The following CENPQ variants were observed in gnomAD, a reference collection of about 807,000 sequenced individuals.
The protein encoded by CENPQ is centromere protein Q, also known as chromosome 6 open reading frame 139.
A neutral mutation model predicts 36.6 loss-of-function variants in CENPQ; 27 were observed. That is an observed-to-expected ratio of 0.74 (90% CI 0.54 to 1.02). CENPQ has a LOEUF of 1.02. Among genes scored for constraint, CENPQ ranks in the 50% least tolerant of loss-of-function variants. The pLI is 0.00. For missense variants in CENPQ, 306 were observed against 301.8 expected (o/e 1.01, Z -0.10); for synonymous variants, 101 against 101.7 (o/e 0.99, Z 0.04).
intron 5 of CENPQ, among the ~76,000 whole-genome samples, chr6:49,476,935 G>C (rs1011886981): frequency 2.6e-5 from 4 of 152,212 alleles, no homozygotes; most frequent in Non-Finnish European, 1.5e-5. Flanking sequence ...TGCTGGAGAG[G>C]ACATGCAGAA....
intron 8 of CENPQ, among the ~76,000 whole-genome samples, chr6:49,490,269 G>T (rs1340471930): frequency 6.6e-6 from 1 of 152,216 alleles, no homozygotes; most frequent in African/African-American, 2.4e-5. Flanking sequence ...AGCACTTGCT[G>T]CTTCACCTTG....
chr6:49,486,734 T>C (rs909672069), intron 6 of CENPQ, among the ~76,000 whole-genome samples: 2 of 152,190 alleles, frequency 1.3e-5, no homozygotes, highest in African/African-American at 4.8e-5. Context: ...TGTACTCTTA[T>C]GTATCTTTAA....
intron 5 of CENPQ, among the ~76,000 whole-genome samples, chr6:49,479,731 A>AT (rs201317121): frequency 0.01 from 1,548 of 152,318 alleles, 20 homozygotes; most frequent in African/African-American, 0.035. Flanking sequence ...CTAAAGGCCT[A>AT]TCAGTGGTAG....
chr6:49,468,031 C>T (rs918223263), intron 1 of CENPQ, among the ~76,000 whole-genome samples: 10 of 152,088 alleles, frequency 6.6e-5, no homozygotes, highest in South Asian at 4.2e-4. Context: ...CTAAAAATGG[C>T]ATGGTAAAGA....
intron 6 of CENPQ, among the ~76,000 whole-genome samples, chr6:49,481,467 G>A (rs564141697): frequency 1.5e-4 from 23 of 152,178 alleles, no homozygotes; most frequent in African/African-American, 4.6e-4. Flanking sequence ...AGACCTTCGC[G>A]GTGAGTGTTA....
At chr6:49,485,396 C>A (rs940553726) in intron 6 of CENPQ, among the ~76,000 whole-genome samples, 1 of 152,084 alleles carries the variant, frequency 6.6e-6, no homozygotes, top group Non-Finnish European at 1.5e-5. Flanking sequence ...TTTAGACTCC[C>A]TTGATCTTGT....
At chr6:49,468,460 G>T (rs752680579) in intron 1 of CENPQ, among the ~76,000 whole-genome samples, 9 of 151,996 alleles carry the variant, frequency 5.9e-5, no homozygotes, top group Non-Finnish European at 1.2e-4. Flanking sequence ...TGGGCGTGGT[G>T]GGGGGTGCCT....
chr6:49,491,874 C>T (rs1274734800), intron 8 of CENPQ, among the ~76,000 whole-genome samples: 1 of 152,116 alleles, frequency 6.6e-6, no homozygotes, highest in Non-Finnish European at 1.5e-5. Flanking sequence ...AGGACTGCGC[C>T]ATTGTACTCC....
chr6:49,471,639 T>C (rs1768136886), intron 3 of CENPQ, among the ~76,000 whole-genome samples: 1 of 152,186 alleles, frequency 6.6e-6, no homozygotes, highest in African/African-American at 2.4e-5. Flanking sequence ...TAATACCTAA[T>C]AAGTAGAACA....
chr6:49,490,479 T>C (rs987275865), intron 8 of CENPQ, among the ~76,000 whole-genome samples: 18 of 152,230 alleles, frequency 1.2e-4, no homozygotes, highest in African/African-American at 4.1e-4. Context: ...CCACTCAGAC[T>C]TCCCATATCA....
chr6:49,482,082 T>G (rs1246998525), intron 6 of CENPQ, among the ~76,000 whole-genome samples: 1 of 152,100 alleles, frequency 6.6e-6, no homozygotes, highest in Non-Finnish European at 1.5e-5. Flanking sequence ...AGCCCTTCAT[T>G]GCCTGGGGCT....
chr6:49,472,256 A>C, intron 4 of CENPQ, 73 bp downstream of exon 4: 1 of 1,198,622 alleles, frequency 8.3e-7, no homozygotes, highest in East Asian at 2.6e-5. Flanking sequence ...TATTCTTTTA[A>C]ATATTGCTAT....
intron 8 of CENPQ, 63 bp from the exon 9 acceptor site, chr6:49,492,081 A>G (rs1308969013): frequency 1.5e-6 from 2 of 1,308,392 alleles, no homozygotes; most frequent in Non-Finnish European, 2.1e-6. Flanking sequence ...TCTCTCTAAC[A>G]TACATTTGAG....
intron 8 of CENPQ, among the ~76,000 whole-genome samples, chr6:49,491,459 C>G (rs1768720930): frequency 6.6e-6 from 1 of 152,008 alleles, no homozygotes; most frequent in Admixed American, 6.6e-5. Context: ...TAAATACTGA[C>G]AGTTTGGTTT....
In CENPQ at chr6:49,488,417, C is replaced by G. The variant is rs1768639807; in HGVS notation, c.543C>G (p.Asn181Lys). 1 of 1,612,202 alleles carries G rather than the reference C, an allele frequency of 6.2e-7. No individual in the cohort carries two copies. The highest frequency in any genetic ancestry group is 1.1e-5 in the South Asian group (1 of 91,014). Reference sequence around the variant, plus strand: ...CTGGGAATATTCAGAGCCTAAAGAACAAAATTCAGATTCTGGCAAGTGAGG... The same window carrying G: ...CTGGGAATATTCAGAGCCTAAAGAAGAAAATTCAGATTCTGGCAAGTGAGG... ...LMTGNIQSLK[N>K]KIQILASEVE... The change falls in exon 7 of 9, where the codon AAC (asparagine) becomes AAG (lysine). Residue 181 changes from asparagine (N) to lysine (K), a missense_variant. By Grantham distance (94) the Asn-to-Lys change is moderately conservative. Transcript: ENST00000335783.
intron 3 of CENPQ, among the ~76,000 whole-genome samples, chr6:49,471,699 T>C (rs781655657): frequency 1.3e-5 from 2 of 152,196 alleles, no homozygotes; most frequent in Admixed American, 6.5e-5. Context: ...ATTAGTCTGT[T>C]TTGTTCCAGT....
Position 49,477,565 on chromosome 6 carries a change from A to AT in CENPQ, c.348-3385dup, listed in dbSNP as rs569292605. The stretch of plus-strand genomic sequence containing the variant: ...CATGTACCCTAGAACTTAAAGTATA[A>AT]TAAAAAAAAAAAAAAGAAAATGTTC... On this transcript the variant is annotated intron_variant, in intron 5 of 8. Coordinates refer to ENST00000335783, the MANE Select transcript of CENPQ (RefSeq NM_018132.4). Among the ~76,000 whole-genome samples the AT allele has an allele frequency of 8.0e-3, 1,206 of 150,832 alleles. 22 individuals carry two copies. The highest frequency in any genetic ancestry group is 0.028 in the African/African-American group (1,134 of 40,712).
chr6:49,492,141 C>G lies in CENPQ; in HGVS notation c.676-3C>G, dbSNP rs1356401171. 2 of 1,593,192 alleles carry G rather than the reference C, an allele frequency of 1.3e-6. No homozygotes were observed. Among genetic ancestry groups the G allele is most frequent in the Non-Finnish European group, 8.5e-7 (1 of 1,172,246 alleles). On this transcript the variant is annotated splice_polypyrimidine_tract_variant and splice_region_variant and intron_variant, in intron 8 of 8. Coordinates refer to ENST00000335783, the MANE Select transcript of CENPQ (RefSeq NM_018132.4). ...ACTACATTTAATACTATCTTTCCCA[C>G]AGAAAGAAATTTTGGCGCTAATTCC...
In CENPQ at chr6:49,472,176, GT is replaced by G; in HGVS notation, c.272del (p.Val91GlufsTer2). ...RDHLQTMMES[V>X]IMTILSNSIK... Reference sequence around the variant, plus strand: ...CCATTTGCAAACTATGATGGAATCAGTAATAATGTGAGTATAAAATTGTTCC... The same window carrying G: ...CCATTTGCAAACTATGATGGAATCAGAATAATGTGAGTATAAAATTGTTCC... On this transcript the variant is annotated frameshift_variant, in exon 4 of 9. Coordinates refer to ENST00000335783, the MANE Select transcript of CENPQ (RefSeq NM_018132.4). LOFTEE classifies it high-confidence loss of function. 6.2e-7 allele frequency: 1 copy of G among 1,605,562 alleles called. No individual in the cohort carries two copies. The highest frequency in any genetic ancestry group is 8.5e-7 in the Non-Finnish European group (1 of 1,176,408).
Sources: allele counts gnomAD v4.1 joint callset (sites outside exome capture counted in the v4.1 genomes callset), GRCh38; gene constraint gnomAD v4.1.1; transcripts MANE v1.5; gene names NCBI Gene and HGNC (gene_info 2026-07-23, HGNC 2026-07-21).